UBASH3B: variants seen among roughly 807,000 people sequenced by gnomAD.
UBASH3B encodes the protein ubiquitin-associated and SH3 domain-containing protein B.
In UBASH3B, 37 loss-of-function variants were observed where a neutral mutation model predicts 83.4. The ratio of observed to expected loss-of-function variants is 0.44; its 90% CI spans 0.34 to 0.58. The LOEUF (loss-of-function observed/expected upper bound fraction) is 0.58, where lower values mean the gene tolerates loss of function less well. UBASH3B is among the 20% of genes least tolerant of loss of function. The probability of loss-of-function intolerance (pLI) is 0.01; values close to 1 mark genes in which losing one functional copy is unlikely to be tolerated. For synonymous variants in UBASH3B, 304 were observed against 318.3 expected (o/e 0.96, Z 0.48); for missense variants, 657 against 827.2 (o/e 0.79, Z 2.52).
chr11:122,800,922 G>A (rs1382786459), intron 10 of UBASH3B, among the ~76,000 whole-genome samples: 1 of 152,096 alleles, frequency 6.6e-6, no homozygotes, highest in Non-Finnish European at 1.5e-5. Context: ...TAAATTATAT[G>A]GATAATGAGC....
At chr11:122,776,107 A>G (rs1860728530) in intron 1 of UBASH3B, 112 bp from the exon 2 acceptor site, 16 of 917,586 alleles carry the variant, frequency 1.7e-5, no homozygotes, top group Non-Finnish European at 2.5e-5. Context: ...CCCACCACAG[A>G]GGATTGAGTG....
chr11:122,668,479 C>T (rs1863550607), intron 1 of UBASH3B, among the ~76,000 whole-genome samples: 1 of 152,210 alleles, frequency 6.6e-6, no homozygotes, highest in South Asian at 2.1e-4. Flanking sequence ...GTGGGCATCT[C>T]TCTAGGTGGG....
At chr11:122,773,286 A>T (rs1860679571) in intron 1 of UBASH3B, among the ~76,000 whole-genome samples, 1 of 152,326 alleles carries the variant, frequency 6.6e-6, no homozygotes, top group Non-Finnish European at 1.5e-5. Flanking sequence ...TGCCGCGCCC[A>T]TGTTCAGTCT....
At chr11:122,786,490 C>T (rs1226898317) in intron 5 of UBASH3B, among the ~76,000 whole-genome samples, 4 of 152,018 alleles carry the variant, frequency 2.6e-5, no homozygotes, top group Non-Finnish European at 2.9e-5. Context: ...AACCTCGTCT[C>T]TACTAAAAAT....
At chr11:122,718,655 A>C (rs1176908625) in intron 1 of UBASH3B, among the ~76,000 whole-genome samples, 2 of 152,218 alleles carry the variant, frequency 1.3e-5, no homozygotes, top group Non-Finnish European at 2.9e-5. Flanking sequence ...ATAGTATGGA[A>C]TAAAGAAAAG....
chr11:122,789,384 G>A, intron 6 of UBASH3B, 76 bp downstream of exon 6: 1 of 1,489,816 alleles, frequency 6.7e-7, no homozygotes, highest in Non-Finnish European at 9.3e-7. Context: ...ACACAGGGCA[G>A]CAGTAAATGG....
rs921735605 is a variant in UBASH3B, at chr11:122,806,985, G to A, written c.1702+469G>A. 6.6e-6 allele frequency among the ~76,000 whole-genome samples: 1 copy of A among 152,182 alleles called. No homozygotes were observed. Reference sequence around the variant, plus strand: ...AACACTGAGCTCAAATATTTAATATGTAAGACTGTTCACTATCAATTTTTT... The same window carrying A: ...AACACTGAGCTCAAATATTTAATATATAAGACTGTTCACTATCAATTTTTT... On this transcript the variant is annotated intron_variant, in intron 12 of 13. Coordinates refer to ENST00000284273, the MANE Select transcript of UBASH3B (RefSeq NM_032873.5). The surrounding 1 kb of genome is among the most constrained non-coding windows in gnomAD (Gnocchi z 4.0).
intron 1 of UBASH3B, among the ~76,000 whole-genome samples, chr11:122,715,038 C>T (rs1010631562): frequency 3.9e-5 from 6 of 152,242 alleles, no homozygotes; most frequent in Admixed American, 3.9e-4. Context: ...CTCCGCCTCC[C>T]GGGTTCACGC....
At chr11:122,792,494 T>C (rs747606259) in intron 6 of UBASH3B, among the ~76,000 whole-genome samples, 2 of 151,902 alleles carry the variant, frequency 1.3e-5, no homozygotes, top group Non-Finnish European at 2.9e-5. Context: ...AATTTTTGTA[T>C]TTTGAATAGA....
intron 1 of UBASH3B, among the ~76,000 whole-genome samples, chr11:122,733,297 C>T (rs1860874492): frequency 6.6e-6 from 1 of 152,182 alleles, no homozygotes; most frequent in African/African-American, 2.4e-5. Context: ...TTTCTTCAAT[C>T]TCTATTATTT....
chr11:122,735,731 C>T (rs941144704), intron 1 of UBASH3B, among the ~76,000 whole-genome samples: 5 of 152,034 alleles, frequency 3.3e-5, no homozygotes, highest in African/African-American at 4.8e-5. Context: ...GTGGGGAAGC[C>T]GAGTTCCAGG....
chr11:122,740,989 T>C (rs1358037730), intron 1 of UBASH3B, among the ~76,000 whole-genome samples: 1 of 152,224 alleles, frequency 6.6e-6, no homozygotes, highest in African/African-American at 2.4e-5. Context: ...TCGCAGGGAT[T>C]TTGATTCCTT....
Position 122,812,005 on chromosome 11 carries a change from T to C in UBASH3B, c.*2119T>C, listed in dbSNP as rs886110469. Reference sequence around the variant, plus strand: ...CTGTAGCAGTGTGTTCTGGGCAGTATCTGTAATGTATGAAATAGAGTCTGG... The same window carrying C: ...CTGTAGCAGTGTGTTCTGGGCAGTACCTGTAATGTATGAAATAGAGTCTGG... On this transcript the variant is annotated 3_prime_UTR_variant, in exon 14 of 14. Coordinates refer to ENST00000284273, the MANE Select transcript of UBASH3B (RefSeq NM_032873.5). 6.6e-6 allele frequency: 1 copy of C among 152,200 alleles called. No individual in the cohort carries two copies. The highest frequency in any genetic ancestry group is 1.5e-5 in the Non-Finnish European group (1 of 68,038). The allele number at this position is 152,200 out of a possible 1,614,324, so 9.4% of individuals were successfully genotyped here. A position where few individuals can be genotyped will look rare whatever the true frequency, so the allele number is the denominator to read the frequency against.
intron 1 of UBASH3B, among the ~76,000 whole-genome samples, chr11:122,698,959 C>G (rs758836708): frequency 1.3e-5 from 2 of 152,122 alleles, no homozygotes; most frequent in Non-Finnish European, 2.9e-5. Context: ...AAGCGATTAT[C>G]GTGCCTCAGC....
chr11:122,725,016 G>A (rs905407556), intron 1 of UBASH3B, among the ~76,000 whole-genome samples: 9 of 150,014 alleles, frequency 6.0e-5, no homozygotes, highest in South Asian at 2.1e-4. Flanking sequence ...GCAGTAGCAC[G>A]ATCTCAGCTC....
intron 1 of UBASH3B, among the ~76,000 whole-genome samples, chr11:122,725,342 A>AAAAAAAAAAAAAAG (rs71281633): frequency 1.1e-3 from 145 of 130,756 alleles, no homozygotes; most frequent in Middle Eastern, 4.2e-3. Context: ...AAAAAAAAAA[A>AAAAAAAAAAAAAAG]AAGAAAAGAA....
At chr11:122,692,410 A>T (rs1285375466) in intron 1 of UBASH3B, among the ~76,000 whole-genome samples, 1 of 152,166 alleles carries the variant, frequency 6.6e-6, no homozygotes, top group Admixed American at 6.5e-5. Flanking sequence ...CCACTCTCTA[A>T]ACCTTGGGGA....
At chr11:122,730,004 A>AAG (rs11444016) in intron 1 of UBASH3B, among the ~76,000 whole-genome samples, 1 of 134,338 alleles carries the variant, frequency 7.4e-6, no homozygotes, top group Non-Finnish European at 1.6e-5. Context: ...AAAAAAAAAA[A>AAG]GGCCAGGTGC....
At chr11:122,775,430 C>T (rs1421243960) in intron 1 of UBASH3B, among the ~76,000 whole-genome samples, 1 of 152,230 alleles carries the variant, frequency 6.6e-6, no homozygotes, top group Non-Finnish European at 1.5e-5. Flanking sequence ...TCCACTGATA[C>T]TCATCCTCAA....
Sources: allele counts gnomAD v4.1 joint callset (sites outside exome capture counted in the v4.1 genomes callset), GRCh38; gene constraint gnomAD v4.1.1; non-coding constraint Gnocchi (gnomAD v3.1); transcripts MANE v1.5; gene names NCBI Gene and HGNC (gene_info 2026-07-23, HGNC 2026-07-21).